The following NKAIN1 variants were observed in gnomAD, a reference collection of about 807,000 sequenced individuals.
The protein encoded by NKAIN1 is sodium/potassium-transporting ATPase subunit beta-1-interacting protein 1.
A neutral mutation model predicts 31.6 loss-of-function variants in NKAIN1; 13 were observed. The observed-to-expected ratio is 0.41, with a 90% CI of 0.27 to 0.65. The LOEUF is 0.65. Ranked by LOEUF, NKAIN1 falls within the 30% of genes least tolerant of loss-of-function variation. NKAIN1 has a pLI of 0.30. For synonymous variants in NKAIN1, 104 were observed against 109.0 expected (o/e 0.95, Z 0.28); for missense variants, 193 against 262.2 (o/e 0.74, Z 1.82).
chr1:31,232,917 T>C (rs140782413), intron 1 of NKAIN1, among the ~76,000 whole-genome samples: 49 of 152,224 alleles, frequency 3.2e-4, no homozygotes, highest in African/African-American at 1.1e-3. Flanking sequence ...TTAATGGGTA[T>C]AAAAACCACA....
chr1:31,233,519 A>T lies in NKAIN1; in HGVS notation c.54+5975T>A, dbSNP rs1331928370. ...TTATGTGGCCATGGATAAGCCACACAGTAGCAAGAGACATATATAAAATGC... is the reference window on the plus strand; with the variant it reads ...TTATGTGGCCATGGATAAGCCACACTGTAGCAAGAGACATATATAAAATGC... On this transcript the variant is annotated intron_variant, in intron 1 of 6. Transcript: ENST00000373736. The surrounding 1 kb of genome is among the most constrained non-coding windows in gnomAD (Gnocchi z 4.0). Among the ~76,000 whole-genome samples, 2 of 152,246 alleles carry T rather than the reference A, an allele frequency of 1.3e-5. No individual in the cohort carries two copies. Among genetic ancestry groups the T allele is most frequent in the African/African-American group, 4.8e-5 (2 of 41,464 alleles).
At chr1:31,187,986 GA>G (rs1645257762) in intron 2 of NKAIN1, 63 bp downstream of exon 2, 1 of 1,500,860 alleles carries the variant, frequency 6.7e-7, no homozygotes, top group African/African-American at 1.4e-5. Context: ...GAGGAGCAGG[GA>G]GGGGTGGAGT....
At position 31,217,941 on chromosome 1, in the gene NKAIN1, T is replaced by C. The variant is rs867406844; in HGVS notation, c.54+21553A>G. On this transcript the variant is annotated intron_variant, in intron 1 of 6. Transcript: ENST00000373736. ...ACTCCATTCAGCAAACAATCATGAT[T>C]TATGCTTCATAGGCACTCCTGTCCT... Among the ~76,000 whole-genome samples, 5 of 152,284 alleles carry C rather than the reference T, an allele frequency of 3.3e-5. No individual in the cohort carries two copies. In the Middle Eastern group the frequency reaches 0.01, roughly 311 times the overall value.
chr1:31,188,127 C>G lies in NKAIN1; in HGVS notation c.115G>C (p.Ala39Pro), dbSNP rs1387470779. Residue 39 changes from alanine (A) to proline (P), a missense_variant, in exon 2 of 7, where the codon GCC (alanine) becomes CCC (proline). Ala to Pro is a conservative substitution (Grantham distance 27). Coordinates refer to ENST00000373736, the MANE Select transcript of NKAIN1 (RefSeq NM_024522.3). The stretch of plus-strand genomic sequence containing the variant: ...ACTGCCATGATGTGCAGGAAGTTGG[C>G]TAGGATGGGAGCCCACTGGTAGCCC... ...FLGYQWAPILANFLHIMAVIL... is the reference protein window; with the variant it reads ...FLGYQWAPILPNFLHIMAVIL... 12 of 1,552,192 alleles carry G rather than the reference C, an allele frequency of 7.7e-6. No homozygotes were observed. The highest frequency in any genetic ancestry group is 1.0e-5 in the Non-Finnish European group (12 of 1,147,346).
chr1:31,196,380 G>A (rs1472274791), intron 1 of NKAIN1, among the ~76,000 whole-genome samples: 6 of 152,100 alleles, frequency 3.9e-5, no homozygotes, highest in Non-Finnish European at 8.8e-5. Context: ...AGGCGTGGTG[G>A]CGGGCGCCTG....
chr1:31,229,398 C>T (rs1569584806), intron 1 of NKAIN1, among the ~76,000 whole-genome samples: 1 of 151,828 alleles, frequency 6.6e-6, no homozygotes, highest in Non-Finnish European at 1.5e-5. Flanking sequence ...GGGGTGGGAG[C>T]AGTGCAGCCT....
intron 1 of NKAIN1, among the ~76,000 whole-genome samples, chr1:31,212,317 A>G (rs1394967121): frequency 1.3e-5 from 2 of 152,120 alleles, no homozygotes; most frequent in South Asian, 4.1e-4. Context: ...TGGGTCAAAA[A>G]CCTAAATGTA....
At chr1:31,215,988 C>T (rs772683366) in intron 1 of NKAIN1, among the ~76,000 whole-genome samples, 5 of 152,212 alleles carry the variant, frequency 3.3e-5, no homozygotes, top group Non-Finnish European at 5.9e-5. Context: ...GACAAGATCT[C>T]AGAGCTGGAG....
At position 31,239,034 on chromosome 1, in the gene NKAIN1, T is replaced by C. The variant is rs1205774823; in HGVS notation, c.54+460A>G. On this transcript the variant is annotated intron_variant, in intron 1 of 6. Transcript: ENST00000373736. The surrounding 1 kb of genome is among the most constrained non-coding windows in gnomAD (Gnocchi z 4.8). ...GAGACACACGCCGGAGCAGAGACTTTGTGAGAAACGCTCACACAGGGGTGG... is the reference window on the plus strand; with the variant it reads ...GAGACACACGCCGGAGCAGAGACTTCGTGAGAAACGCTCACACAGGGGTGG... Among the ~76,000 whole-genome samples, 2 of 152,008 alleles carry C rather than the reference T, an allele frequency of 1.3e-5. No homozygotes were observed. The highest frequency in any genetic ancestry group is 4.8e-5 in the African/African-American group (2 of 41,382).
chr1:31,205,340 G>A (rs934985634), intron 1 of NKAIN1, among the ~76,000 whole-genome samples: 3 of 152,022 alleles, frequency 2.0e-5, no homozygotes, highest in Admixed American at 1.3e-4. Context: ...ACGGAGTCTG[G>A]CTCTGTTGCC....
intron 1 of NKAIN1, among the ~76,000 whole-genome samples, chr1:31,196,512 C>CAAAAAAAAAAAAAAA (rs58194598): frequency 1.2e-4 from 11 of 91,340 alleles, no homozygotes; most frequent in Non-Finnish European, 2.1e-4. Context: ...GACTCCTACT[C>CAAAAAAAAAAAAAAA]AAAAAAAAAA....
intron 1 of NKAIN1, among the ~76,000 whole-genome samples, chr1:31,224,016 C>T (rs909345080): frequency 6.6e-6 from 1 of 152,228 alleles, no homozygotes; most frequent in South Asian, 2.1e-4. Flanking sequence ...GTATGCAAGA[C>T]AGACAGCTCT....
chr1:31,238,282 T>G (rs952459023), intron 1 of NKAIN1, among the ~76,000 whole-genome samples: 2 of 152,174 alleles, frequency 1.3e-5, no homozygotes, highest in Non-Finnish European at 2.9e-5. Context: ...AACTTCACTC[T>G]ACATTATCAT....
At position 31,206,912 on chromosome 1, in the gene NKAIN1, T is replaced by A. The variant is rs143965116; in HGVS notation, c.55-18725A>T. Reference sequence around the variant, plus strand: ...CTACGCTCAGCTAGGTTATGTATTTTTTTGTAGAGATGGGGTTTCGCCGTG... The same window carrying A: ...CTACGCTCAGCTAGGTTATGTATTTATTTGTAGAGATGGGGTTTCGCCGTG... On this transcript the variant is annotated intron_variant, in intron 1 of 6. Transcript: ENST00000373736. Among the ~76,000 whole-genome samples, 1,178 of 152,234 alleles carry A rather than the reference T, an allele frequency of 7.7e-3. 19 individuals carry two copies. Among genetic ancestry groups the A allele is most frequent in the African/African-American group, 0.023 (961 of 41,532 alleles).
chr1:31,188,060 T>C lies in NKAIN1; in HGVS notation c.182A>G (p.Tyr61Cys), dbSNP rs1364222837. Reference protein sequence around the residue: ...IFGTVQYRSRYLILYAAWLVL... With the variant: ...IFGTVQYRSRCLILYAAWLVL... ...CTAGGTGAGCCGTACCAGGATGAGG[T>C]ACCGGGAGCGGTACTGCACGGTGCC... The change falls in exon 2 of 7, where the codon TAC becomes TGC. Residue 61 changes from tyrosine (Y) to cysteine (C), a missense_variant. Coordinates refer to ENST00000373736, the MANE Select transcript of NKAIN1 (RefSeq NM_024522.3). The C allele has an allele frequency of 2.6e-6, 4 of 1,553,170 alleles. No individual in the cohort carries two copies. Among genetic ancestry groups the C allele is most frequent in the Admixed American group, 2.0e-5 (1 of 51,166 alleles).
chr1:31,200,683 A>G (rs536371509), intron 1 of NKAIN1, among the ~76,000 whole-genome samples: 1 of 151,494 alleles, frequency 6.6e-6, no homozygotes, highest in South Asian at 2.1e-4. Context: ...CTGGTCTCGA[A>G]CTCCTGAGCT....
intron 1 of NKAIN1, among the ~76,000 whole-genome samples, chr1:31,228,433 G>A (rs1645623872): frequency 6.6e-6 from 1 of 152,100 alleles, no homozygotes; most frequent in Admixed American, 6.5e-5. Flanking sequence ...GTGGGAAGAA[G>A]TATGCTAAGG....
At chr1:31,219,987 G>T (rs531884502) in intron 1 of NKAIN1, among the ~76,000 whole-genome samples, 11 of 148,770 alleles carry the variant, frequency 7.4e-5, no homozygotes, top group African/African-American at 2.2e-4. Context: ...TGCTAAACCT[G>T]CTTCAGAACA....
At chr1:31,218,461 G>A (rs1645535327) in intron 1 of NKAIN1, among the ~76,000 whole-genome samples, 1 of 152,122 alleles carries the variant, frequency 6.6e-6, no homozygotes, top group African/African-American at 2.4e-5. Flanking sequence ...GCTCTAAGAG[G>A]CAGGTACACT....
Sources: gnomAD v4.1 joint callset for allele counts (sites outside exome capture counted in the v4.1 genomes callset) on GRCh38, gnomAD v4.1.1 for gene constraint, Gnocchi (gnomAD v3.1) non-coding constraint, MANE v1.5 for transcripts, NCBI Gene and HGNC (gene_info 2026-07-23, HGNC 2026-07-21) for gene names.